RUSC2: variants seen among roughly 807,000 people sequenced by gnomAD.
RUSC2 encodes RUN and SH3 domain containing 2.
In RUSC2, 34 loss-of-function variants were observed where a neutral mutation model predicts 122.2. The ratio of observed to expected loss-of-function variants is 0.28; its 90% CI spans 0.21 to 0.37. The LOEUF (loss-of-function observed/expected upper bound fraction) is 0.37. Ranked by LOEUF, RUSC2 falls within the 10% of genes least tolerant of loss-of-function variation. The pLI is 1.00. For missense variants in RUSC2, 1,747 were observed against 1,952.4 expected (o/e 0.89, Z 1.98); for synonymous variants, 784 against 790.0 (o/e 0.99, Z 0.13).
At position 35,547,479 on chromosome 9, in the gene RUSC2, T is replaced by G. The variant is rs780377287; in HGVS notation, c.958T>G (p.Phe320Val). 6.2e-6 allele frequency: 10 copies of G among 1,614,066 alleles called. No homozygotes were observed. The highest frequency in any genetic ancestry group is 7.6e-6 in the Non-Finnish European group (9 of 1,180,048). Residue 320 changes from phenylalanine (F) to valine (V), a missense_variant, in exon 2 of 12, where the codon TTC (phenylalanine) becomes GTC (valine). Coordinates refer to ENST00000361226, the MANE Select transcript of RUSC2 (RefSeq NM_014806.5). This position sits in a 1 kb window ranked among gnomAD's most constrained non-coding sequence, Gnocchi z 4.6. ...SFCSHSDPGA[F>V]YLDLQPSPFE... ...CTGCAGCCACTCAGACCCTGGCGCC[T>G]TCTATCTGGATCTGCAGCCCTCCCC...
Position 35,546,959 on chromosome 9 carries a change from C to G in RUSC2, c.438C>G (p.Phe146Leu), listed in dbSNP as rs199503091. The G allele has an allele frequency of 6.5e-5, 103 of 1,579,028 alleles. 1 individual carries two copies. The East Asian group carries it at 1.7e-3, about 26-fold the overall frequency. ...TGQPNFHLSS[F>L]QLPPSGPRVG... Reference sequence around the variant, plus strand: ...AGCCCAACTTTCATCTATCCTCTTTCCAGCTGCCACCATCTGGCCCCAGAG... The same window carrying G: ...AGCCCAACTTTCATCTATCCTCTTTGCAGCTGCCACCATCTGGCCCCAGAG... Residue 146 changes from phenylalanine to leucine, a missense_variant, in exon 2 of 12, where the codon TTC becomes TTG. Coordinates refer to ENST00000361226, the MANE Select transcript of RUSC2 (RefSeq NM_014806.5). The surrounding 1 kb of genome is among the most constrained non-coding windows in gnomAD (Gnocchi z 4.3).
chr9:35,502,292 C>A (rs889802749), intron 1 of RUSC2, among the ~76,000 whole-genome samples: 1 of 152,166 alleles, frequency 6.6e-6, no homozygotes, highest in African/African-American at 2.4e-5. Flanking sequence ...CCCCAAACCC[C>A]ACCCCCTAAG....
intron 1 of RUSC2, among the ~76,000 whole-genome samples, chr9:35,499,530 C>T (rs1820784495): frequency 6.6e-6 from 1 of 152,072 alleles, no homozygotes; most frequent in African/African-American, 2.4e-5. Context: ...TGAGTTCCTG[C>T]AGACAAGGAC....
intron 1 of RUSC2, among the ~76,000 whole-genome samples, chr9:35,499,631 C>T (rs931110068): frequency 1.3e-5 from 2 of 152,138 alleles, no homozygotes; most frequent in African/African-American, 4.8e-5. Flanking sequence ...CTATACTTAA[C>T]TTGTTTATCT....
At chr9:35,499,576 C>T (rs1820785134) in intron 1 of RUSC2, among the ~76,000 whole-genome samples, 2 of 152,064 alleles carry the variant, frequency 1.3e-5, no homozygotes, top group African/African-American at 2.4e-5. Context: ...AAAAATAGGG[C>T]CAGCCAACTT....
intron 1 of RUSC2, among the ~76,000 whole-genome samples, chr9:35,545,906 G>T (rs774566157): frequency 6.6e-6 from 1 of 152,146 alleles, no homozygotes; most frequent in Non-Finnish European, 1.5e-5. Context: ...ACAGTCACTT[G>T]GTCAGATGAT....
rs1288632224 is a variant in RUSC2 at position 35,557,427 on chromosome 9, G to A, written c.2984-487G>A. 6.6e-6 allele frequency among the ~76,000 whole-genome samples: 1 copy of A among 152,132 alleles called. No homozygotes were observed. The highest frequency in any genetic ancestry group is 2.4e-5 in the African/African-American group (1 of 41,430). ...GGAAGTTAAAGGAGTTTATAACTAG[G>A]GAACTCTGTTCTCTGAAGCAGAACC... On this transcript the variant is annotated intron_variant, in intron 5 of 11. Transcript: ENST00000361226. The surrounding 1 kb of genome is among the most constrained non-coding windows in gnomAD (Gnocchi z 4.6).
intron 1 of RUSC2, among the ~76,000 whole-genome samples, chr9:35,514,260 T>C (rs1821063793): frequency 6.6e-6 from 1 of 152,002 alleles, no homozygotes; most frequent in African/African-American, 2.4e-5. Context: ...GGAAGGGCCA[T>C]TGGATTTGGA....
intron 1 of RUSC2, among the ~76,000 whole-genome samples, chr9:35,502,934 C>T (rs1820843647): frequency 6.6e-6 from 1 of 152,106 alleles, no homozygotes; most frequent in African/African-American, 2.4e-5. Flanking sequence ...ACTCTCATTT[C>T]ACTGCAACCT....
At position 35,555,130 on chromosome 9, in the gene RUSC2, G is replaced by A. The variant is rs1821981490; in HGVS notation, c.2085G>A (p.Gln695=). The A allele has an allele frequency of 6.2e-7, 1 of 1,613,576 alleles. No homozygotes were observed. Among genetic ancestry groups the A allele is most frequent in the Non-Finnish European group, 8.5e-7 (1 of 1,180,012 alleles). The change falls in exon 3 of 12, where the codon CAG becomes CAA. Residue 695 remains glutamine (Q), a synonymous_variant. Coordinates refer to ENST00000361226, the MANE Select transcript of RUSC2 (RefSeq NM_014806.5). The surrounding 1 kb of genome is among the most constrained non-coding windows in gnomAD (Gnocchi z 4.6). ...KEQRPTTLPI[Q]PFVFQHHFPK... ...AGAGGCCAACCACACTGCCCATCCA[G>A]CCCTTCGTGTTCCAGCACCACTTCC... is the stretch of plus-strand genomic sequence containing the variant.
Position 35,555,633 on chromosome 9 carries a change from G to A in RUSC2, c.2588G>A (p.Gly863Asp). Residue 863 changes from glycine (G) to aspartate (D), a missense_variant, in exon 3 of 12, where the codon GGC becomes GAC. Gly to Asp is a moderately conservative substitution (Grantham distance 94, BLOSUM62 -1). Coordinates refer to ENST00000361226, the MANE Select transcript of RUSC2 (RefSeq NM_014806.5). This position sits in a 1 kb window ranked among gnomAD's most constrained non-coding sequence, Gnocchi z 4.6. The stretch of plus-strand genomic sequence containing the variant: ...CCGCCTCTGGGCTCCTGGCGATCTG[G>A]CCTCAGCCGAGCAGAGAGCCTGGCC... ...SLPPLGSWRSGLSRAESLARG... is the reference protein window; with the variant it reads ...SLPPLGSWRSDLSRAESLARG... 1 of 1,611,470 alleles carries A rather than the reference G, an allele frequency of 6.2e-7. No individual in the cohort carries two copies. Among genetic ancestry groups the A allele is most frequent in the South Asian group, 1.1e-5 (1 of 91,080 alleles).
Position 35,547,332 on chromosome 9 carries a change from G to A in RUSC2, c.811G>A (p.Asp271Asn), listed in dbSNP as rs371377347. 22 of 1,614,036 alleles carry A rather than the reference G, an allele frequency of 1.4e-5. No homozygotes were observed. The highest frequency in any genetic ancestry group is 1.6e-5 in the Non-Finnish European group (19 of 1,180,042). ...TGACCAGTCCATGGGCTATGTGAGC[G>A]ACTCCTCCTGCAACAGTTCAGATGG... is the stretch of plus-strand genomic sequence containing the variant. ...AADQSMGYVS[D>N]SSCNSSDGVL... The change falls in exon 2 of 12, where the codon GAC becomes AAC. Residue 271 changes from aspartate to asparagine, a missense_variant. Asp to Asn is a conservative substitution (Grantham distance 23). Transcript: ENST00000361226. The surrounding 1 kb of genome is among the most constrained non-coding windows in gnomAD (Gnocchi z 4.6).
chr9:35,548,255 A>G lies in RUSC2; in HGVS notation c.1734A>G (p.Glu578=). 6.2e-7 allele frequency: 1 copy of G among 1,613,868 alleles called. No individual in the cohort carries two copies. Among genetic ancestry groups the G allele is most frequent in the Non-Finnish European group, 8.5e-7 (1 of 1,179,994 alleles). ...CCCAGGAGTTCTCACCCATCCAAGA[A>G]GCCCAGCAAGATCGGGGGGCCCCAC... The part of the protein sequence containing the change: ...DSSQEFSPIQ[E]AQQDRGAPLD... Residue 578 remains glutamate (E), a synonymous_variant, in exon 2 of 12, where the codon GAA becomes GAG. Coordinates refer to ENST00000361226, the MANE Select transcript of RUSC2 (RefSeq NM_014806.5). The surrounding 1 kb of genome is among the most constrained non-coding windows in gnomAD (Gnocchi z 4.5).
At chr9:35,501,108 TC>T (rs1403442048) in intron 1 of RUSC2, among the ~76,000 whole-genome samples, 1 of 152,238 alleles carries the variant, frequency 6.6e-6, no homozygotes, top group Non-Finnish European at 1.5e-5. Context: ...AGACTTTTGT[TC>T]AAATATATTC....
chr9:35,522,589 C>T (rs929675413), intron 1 of RUSC2, among the ~76,000 whole-genome samples: 17 of 152,196 alleles, frequency 1.1e-4, no homozygotes, highest in African/African-American at 4.1e-4. Flanking sequence ...TACCCCTGAA[C>T]ATCCAGCATA....
intron 1 of RUSC2, among the ~76,000 whole-genome samples, chr9:35,507,180 CTATGCT>C (rs1282090651): frequency 2.0e-5 from 3 of 152,120 alleles, no homozygotes; most frequent in Non-Finnish European, 4.4e-5. Flanking sequence ...TCCCACTTTC[CTATGCT>C]TTCTGTTTAC....
At chr9:35,508,397 G>T (rs1820955035) in intron 1 of RUSC2, among the ~76,000 whole-genome samples, 1 of 152,204 alleles carries the variant, frequency 6.6e-6, no homozygotes, top group Non-Finnish European at 1.5e-5. Flanking sequence ...ACATATCTCA[G>T]TGTAATGTTT....
intron 1 of RUSC2, among the ~76,000 whole-genome samples, chr9:35,497,426 A>G (rs1156287104): frequency 6.6e-6 from 1 of 152,198 alleles, no homozygotes; most frequent in African/African-American, 2.4e-5. Context: ...CCATTTGGGT[A>G]GAATTTGTTC....
Position 35,546,599 on chromosome 9 carries a change from C to G in RUSC2, c.78C>G (p.Asp26Glu), listed in dbSNP as rs1446638007. The G allele has an allele frequency of 6.5e-7, 1 of 1,530,746 alleles. No homozygotes were observed. The highest frequency in any genetic ancestry group is 1.3e-5 in the South Asian group (1 of 75,990). 94.8% of individuals were successfully genotyped at this position (1,530,746 alleles called of 1,614,324 possible). A position where few individuals can be genotyped will look rare whatever the true frequency, so the allele number is the denominator to read the frequency against. ...HIPLVHCQVP[D>E]RQCCGGAGGG... ...CCCTGGTGCACTGCCAAGTCCCAGA[C>G]AGGCAGTGCTGTGGAGGGGCAGGTG... The change falls in exon 2 of 12, where the codon GAC becomes GAG. Residue 26 changes from aspartate to glutamate, a missense_variant. Physicochemically the swap from Asp to Glu is conservative, Grantham distance 45. Coordinates refer to ENST00000361226, the MANE Select transcript of RUSC2 (RefSeq NM_014806.5). The surrounding 1 kb of genome is among the most constrained non-coding windows in gnomAD (Gnocchi z 4.3).
Sources: allele counts gnomAD v4.1 joint callset (sites outside exome capture counted in the v4.1 genomes callset), GRCh38; gene constraint gnomAD v4.1.1; non-coding constraint Gnocchi (gnomAD v3.1); transcripts MANE v1.5; gene names NCBI Gene and HGNC (gene_info 2026-07-23, HGNC 2026-07-21).